DDAH1: variants seen among roughly 807,000 people sequenced by gnomAD.
The protein encoded by DDAH1 is dimethylarginine dimethylaminohydrolase 1, also known as N(G),N(G)-dimethylarginine dimethylaminohydrolase 1.
In DDAH1, 19 loss-of-function variants were observed where a neutral mutation model predicts 28.8. That is an observed-to-expected ratio of 0.66 (90% CI 0.46 to 0.97). The LOEUF (loss-of-function observed/expected upper bound fraction) is 0.97. DDAH1 is among the 50% of genes least tolerant of loss of function. DDAH1 has a pLI of 0.00. For missense variants in DDAH1, 326 were observed against 375.9 expected, an observed-to-expected ratio of 0.87 and a Z score of 1.10; for synonymous variants, 153 against 154.4, an observed-to-expected ratio of 0.99 and a Z score of 0.07.
At chr1:85,561,336 C>T (rs1659135358) in intron 1 of DDAH1, among the ~76,000 whole-genome samples, 1 of 152,016 alleles carries the variant, frequency 6.6e-6, no homozygotes, top group Admixed American at 6.5e-5. Flanking sequence ...AATTACTATA[C>T]TATGGCTAGA....
At chr1:85,543,295 A>G (rs12738255) in intron 1 of DDAH1, among the ~76,000 whole-genome samples, 25,278 of 152,180 alleles carry the variant, frequency 0.17, 2,792 homozygotes, top group African/African-American at 0.3. Context: ...AATTTCAAAC[A>G]TTTTGTTGTT....
intron 2 of DDAH1, among the ~76,000 whole-genome samples, chr1:85,475,727 G>A (rs1198332610): frequency 6.6e-6 from 1 of 152,180 alleles, no homozygotes; most frequent in Non-Finnish European, 1.5e-5. Flanking sequence ...ATGCAAAAAT[G>A]GTTGGGGTGG....
chr1:85,519,186 C>A (rs12120186), intron 1 of DDAH1, among the ~76,000 whole-genome samples: 11 of 150,468 alleles, frequency 7.3e-5, no homozygotes, highest in Non-Finnish European at 1.5e-4. Context: ...CTCCACCTCC[C>A]GGGTTCATGC....
At chr1:85,475,949 T>C (rs779964191) in intron 2 of DDAH1, among the ~76,000 whole-genome samples, 35 of 152,224 alleles carry the variant, frequency 2.3e-4, no homozygotes, top group Non-Finnish European at 3.2e-4. Context: ...CCTCCCAGGT[T>C]CAAGTGATTC....
chr1:85,577,264 C>T (rs1659640183), intron 1 of DDAH1, among the ~76,000 whole-genome samples: 1 of 152,204 alleles, frequency 6.6e-6, no homozygotes. Flanking sequence ...CCACCCAGTT[C>T]CTGCCGCAGC....
chr1:85,564,838 T>G (rs1031424426), intron 1 of DDAH1, among the ~76,000 whole-genome samples: 1 of 148,464 alleles, frequency 6.7e-6, no homozygotes, highest in Non-Finnish European at 1.5e-5. Context: ...CACTCCACCC[T>G]GGGCAACAGA....
chr1:85,519,398 A>G (rs1657594971), intron 1 of DDAH1, among the ~76,000 whole-genome samples: 1 of 152,204 alleles, frequency 6.6e-6, no homozygotes, highest in Admixed American at 6.5e-5. Flanking sequence ...CTTAGGGAAA[A>G]AACGGATGAA....
chr1:85,519,394 G>A (rs1359843158), intron 1 of DDAH1, among the ~76,000 whole-genome samples: 2 of 152,056 alleles, frequency 1.3e-5, no homozygotes, highest in Non-Finnish European at 2.9e-5. Context: ...TTGGCTTAGG[G>A]AAAAAACGGA....
At chr1:85,335,021 C>CCAGCCCT (rs1222445269) in intron 4 of DDAH1, among the ~76,000 whole-genome samples, 1 of 152,062 alleles carries the variant, frequency 6.6e-6, no homozygotes, top group Non-Finnish European at 1.5e-5. Context: ...GACCAGCCCT[C>CCAGCCCT]CAAGAAATGC....
chr1:85,571,449 T>A (rs1003403746), intron 1 of DDAH1, among the ~76,000 whole-genome samples: 6 of 152,154 alleles, frequency 3.9e-5, no homozygotes, highest in African/African-American at 1.4e-4. Context: ...AGACTCAGAG[T>A]TGGACATCCC....
chr1:85,499,096 G>A (rs1377130265), intron 1 of DDAH1, among the ~76,000 whole-genome samples: 1 of 151,336 alleles, frequency 6.6e-6, no homozygotes, highest in Non-Finnish European at 1.5e-5. Context: ...TTAACAGGCA[G>A]AGATTATCAA....
chr1:85,433,469 G>A (rs1015218726), intron 1 of DDAH1, among the ~76,000 whole-genome samples: 4 of 152,062 alleles, frequency 2.6e-5, no homozygotes, highest in Non-Finnish European at 4.4e-5. Flanking sequence ...ACGTACAAGC[G>A]GCACACAGTC....
At chr1:85,416,541 T>C (rs1399604947) in intron 1 of DDAH1, among the ~76,000 whole-genome samples, 3 of 152,230 alleles carry the variant, frequency 2.0e-5, no homozygotes, top group Admixed American at 6.5e-5. Context: ...GAAATGTTCA[T>C]AAAGTTCATA....
intron 1 of DDAH1, among the ~76,000 whole-genome samples, chr1:85,547,383 T>A (rs1658658817): frequency 6.6e-6 from 1 of 152,212 alleles, no homozygotes; most frequent in Non-Finnish European, 1.5e-5. Context: ...GTTGAGACTA[T>A]CCCAGGGTCA....
chr1:85,521,725 A>G (rs1488957474), intron 1 of DDAH1: 21 of 898,932 alleles, frequency 2.3e-5, no homozygotes, highest in Non-Finnish European at 2.7e-5. Flanking sequence ...CTGTGAATCC[A>G]TAATCCGCAG....
At chr1:85,361,001 AAGCAC>A (rs1649766663) in intron 1 of DDAH1, among the ~76,000 whole-genome samples, 1 of 152,248 alleles carries the variant, frequency 6.6e-6, no homozygotes, top group Admixed American at 6.5e-5. Context: ...TTTCAGAGTT[AAGCAC>A]ATGGACAAGA....
chr1:85,485,171 C>T (rs1289496968), intron 2 of DDAH1, among the ~76,000 whole-genome samples: 4 of 152,130 alleles, frequency 2.6e-5, no homozygotes, highest in African/African-American at 9.7e-5. Context: ...ATACTCAGGT[C>T]CTGCCTTTTG....
chr1:85,570,366 A>ACT (rs1195161052), intron 1 of DDAH1, among the ~76,000 whole-genome samples: 1 of 138,176 alleles, frequency 7.2e-6, no homozygotes, highest in Admixed American at 7.3e-5. Context: ...ACACACTGTC[A>ACT]CACACACACA....
intron 1 of DDAH1, among the ~76,000 whole-genome samples, chr1:85,377,680 A>G (rs1220096001): frequency 6.6e-6 from 1 of 152,144 alleles, no homozygotes; most frequent in Non-Finnish European, 1.5e-5. Context: ...TTTAGGAAGC[A>G]AAACATCTTT....
Sources: allele counts gnomAD v4.1 joint callset (sites outside exome capture counted in the v4.1 genomes callset), GRCh38; gene constraint gnomAD v4.1.1; transcripts MANE v1.5; gene names NCBI Gene and HGNC (gene_info 2026-07-23, HGNC 2026-07-21).